The following PDZD2 variants were observed in gnomAD, a reference collection of about 807,000 sequenced individuals.
PDZD2 encodes the protein PDZ domain containing 2.
A neutral mutation model predicts 220.7 loss-of-function variants in PDZD2; 90 were observed. The ratio of observed to expected loss-of-function variants is 0.41; its 90% CI spans 0.34 to 0.49. PDZD2 has a LOEUF of 0.49. Ranked by LOEUF, PDZD2 falls within the 20% of genes least tolerant of loss-of-function variation. PDZD2 has a pLI of 0.28. For synonymous variants in PDZD2, 1,375 were observed against 1,450.5 expected (o/e 0.95, Z 1.18); for missense variants, 3,174 against 3,608.5 (o/e 0.88, Z 3.08).
At chr5:31,709,492 A>T (rs1200183861) in intron 1 of PDZD2, among the ~76,000 whole-genome samples, 4 of 121,442 alleles carry the variant, frequency 3.3e-5, no homozygotes, top group East Asian at 2.3e-4. Flanking sequence ...CAGGAAAAAA[A>T]ATAAAATAAA....
chr5:31,856,104 T>A (rs957695042), intron 2 of PDZD2, among the ~76,000 whole-genome samples: 15 of 152,188 alleles, frequency 9.9e-5, no homozygotes. Context: ...CAAAATAATA[T>A]TTTCAGAGTT....
chr5:32,040,714 A>T (rs1479128171), intron 7 of PDZD2, among the ~76,000 whole-genome samples: 1 of 121,578 alleles, frequency 8.2e-6, no homozygotes, highest in African/African-American at 3.2e-5. Context: ...TGCCCTGTCT[A>T]GGAAGTGAGA....
chr5:31,682,671 CTGTGTGTGTGTGTGTGTGTGTGTG>C (rs70955735), intron 1 of PDZD2, among the ~76,000 whole-genome samples: 28 of 146,348 alleles, frequency 1.9e-4, no homozygotes, highest in South Asian at 6.7e-4. Flanking sequence ...AGTCTTTCGG[CTGTGTGTGTGTGTGTGTGTGTGTG>C]TGTGTGTGTG....
chr5:31,730,119 C>T (rs532751487), intron 1 of PDZD2, among the ~76,000 whole-genome samples: 23 of 152,316 alleles, frequency 1.5e-4, no homozygotes, highest in African/African-American at 4.3e-4. Flanking sequence ...TGAGCCACTG[C>T]GCCCAGCCCA....
At chr5:32,057,062 C>T (rs1299509552) in intron 10 of PDZD2, among the ~76,000 whole-genome samples, 2 of 152,138 alleles carry the variant, frequency 1.3e-5, no homozygotes, top group Non-Finnish European at 2.9e-5. Flanking sequence ...CCACCGCACT[C>T]TAGCCTGGGT....
intron 2 of PDZD2, among the ~76,000 whole-genome samples, chr5:31,912,520 A>G (rs1743297707): frequency 6.6e-6 from 1 of 152,172 alleles, no homozygotes; most frequent in Admixed American, 6.6e-5. Flanking sequence ...TTTGTGCCTC[A>G]TTCTCTAGTG....
chr5:31,778,403 T>C (rs1752843093), intron 1 of PDZD2, among the ~76,000 whole-genome samples: 1 of 152,180 alleles, frequency 6.6e-6, no homozygotes. Flanking sequence ...GGGTCTGCAC[T>C]GCCTTTATGA....
Position 32,090,892 on chromosome 5 carries a change from C to T in PDZD2, c.7444C>T (p.Leu2482Phe), listed in dbSNP as rs770809942. 1.9e-6 allele frequency: 3 copies of T among 1,614,058 alleles called. No homozygotes were observed. The highest frequency in any genetic ancestry group is 2.2e-5 in the South Asian group (2 of 91,082). The change falls in exon 20 of 25, where the codon CTC becomes TTC. Residue 2482 changes from leucine (L) to phenylalanine (F), a missense_variant. Physicochemically the swap from Leu to Phe is conservative, Grantham distance 22. This residue lies in a region of PDZD2 where 631 missense variants were observed against 789.9 expected (regional missense o/e 0.80). Coordinates refer to ENST00000438447, the MANE Select transcript of PDZD2 (RefSeq NM_178140.4). The surrounding 1 kb of genome is among the most constrained non-coding windows in gnomAD (Gnocchi z 4.3). ...GCCCTCGCCCGTGTCCCGCTCCAAG[C>T]TCCAGGAGCTGAGAGCCTTGAGCAT... is the stretch of plus-strand genomic sequence containing the variant. ...TQPSPVSRSK[L>F]QELRALSMPD...
At chr5:31,694,084 G>A (rs1206214681) in intron 1 of PDZD2, among the ~76,000 whole-genome samples, 1 of 152,124 alleles carries the variant, frequency 6.6e-6, no homozygotes, top group Non-Finnish European at 1.5e-5. Context: ...AATCATGTTA[G>A]CATTTAGAAT....
intron 6 of PDZD2, among the ~76,000 whole-genome samples, chr5:32,021,827 C>T (rs1389122372): frequency 2.0e-5 from 3 of 152,162 alleles, no homozygotes; most frequent in African/African-American, 7.2e-5. Context: ...GTGGAATTAT[C>T]TTTTAAGCTA....
intron 2 of PDZD2, chr5:31,840,970 A>AT: frequency 2.3e-6 from 1 of 438,350 alleles, no homozygotes; most frequent in Non-Finnish European, 4.1e-6. Flanking sequence ...TGTGTTTCTC[A>AT]TTTTGGCGAA....
intron 2 of PDZD2, among the ~76,000 whole-genome samples, chr5:31,911,466 A>C (rs1156558210): frequency 2.0e-5 from 3 of 152,238 alleles, no homozygotes; most frequent in African/African-American, 7.2e-5. Flanking sequence ...AACTGGGTTC[A>C]GAAGCCCCTG....
At chr5:31,826,114 G>C (rs1284654126) in intron 2 of PDZD2, among the ~76,000 whole-genome samples, 1 of 152,070 alleles carries the variant, frequency 6.6e-6, no homozygotes, top group Non-Finnish European at 1.5e-5. Flanking sequence ...TAAATATCTG[G>C]GTCCCTCTTC....
chr5:32,048,508 C>T (rs772271082), intron 7 of PDZD2, 31 bp from the exon 8 acceptor site: 4 of 1,596,900 alleles, frequency 2.5e-6, no homozygotes, highest in Non-Finnish European at 3.4e-6. Flanking sequence ...TGTCCCATAT[C>T]AAACTATGTT....
In PDZD2 at chr5:32,097,267, T is replaced by C. The variant is rs1459367720; in HGVS notation, c.7846-12T>C. The C allele has an allele frequency of 6.4e-7, 1 of 1,565,544 alleles. No homozygotes were observed. The highest frequency in any genetic ancestry group is 1.7e-5 in the Admixed American group (1 of 59,940). ...TGTAGCTCAAAGGATAATTTTTGTT[T>C]GTTTTCACTAGAATGAAGAAGATGT... On this transcript the variant is annotated splice_polypyrimidine_tract_variant and intron_variant, in intron 21 of 24. Transcript: ENST00000438447.
At chr5:31,970,285 G>C (rs976854909) in intron 2 of PDZD2, among the ~76,000 whole-genome samples, 1 of 152,196 alleles carries the variant, frequency 6.6e-6, no homozygotes, top group African/African-American at 2.4e-5. Context: ...TCACTGACTT[G>C]TGGATTTGAA....
At chr5:31,686,043 C>T (rs965131319) in intron 1 of PDZD2, among the ~76,000 whole-genome samples, 3 of 151,686 alleles carry the variant, frequency 2.0e-5, no homozygotes, top group Non-Finnish European at 4.4e-5. Flanking sequence ...AATAAAAATA[C>T]AAAAATCAGC....
At chr5:31,987,160 T>C (rs561558869) in intron 3 of PDZD2, among the ~76,000 whole-genome samples, 1 of 152,310 alleles carries the variant, frequency 6.6e-6, no homozygotes, top group East Asian at 1.9e-4. Flanking sequence ...TAGAATGTAA[T>C]GTATTTTTGT....
chr5:31,898,624 G>A (rs2150355619), intron 2 of PDZD2, among the ~76,000 whole-genome samples: 1 of 152,250 alleles, frequency 6.6e-6, no homozygotes, highest in South Asian at 2.1e-4. Context: ...GTGCTCCCCT[G>A]TCACATGGCA....
Sources: allele counts gnomAD v4.1 joint callset (sites outside exome capture counted in the v4.1 genomes callset), GRCh38; gene constraint gnomAD v4.1.1; regional missense constraint gnomAD v4.1.1; non-coding constraint Gnocchi (gnomAD v3.1); transcripts MANE v1.5; gene names NCBI Gene and HGNC (gene_info 2026-07-23, HGNC 2026-07-21).